The following FAM228B variants were observed in gnomAD, a reference collection of about 807,000 sequenced individuals.
FAM228B encodes the protein protein FAM228B.
A neutral mutation model predicts 42.6 loss-of-function variants in FAM228B; 38 were observed. The ratio of observed to expected loss-of-function variants is 0.89; its 90% CI spans 0.69 to 1.17. The LOEUF (loss-of-function observed/expected upper bound fraction) is 1.17, where lower values mean the gene tolerates loss of function less well. Among genes scored for constraint, FAM228B ranks in the 50% most tolerant of loss-of-function variants. The probability of loss-of-function intolerance (pLI) is 0.00; values close to 1 mark genes in which losing one functional copy is unlikely to be tolerated. For synonymous variants in FAM228B, 109 were observed against 122.3 expected (o/e 0.89, Z 0.72); for missense variants, 344 against 367.3 (o/e 0.94, Z 0.52).
rs1664799300 is a variant in FAM228B, at chr2:24,077,458, T to A, written c.-290+489T>A. The A allele has an allele frequency of 4.2e-6, 5 of 1,178,568 alleles. No homozygotes were observed. Among genetic ancestry groups the A allele is most frequent in the Non-Finnish European group, 5.7e-6 (5 of 873,692 alleles). 73.0% of individuals were successfully genotyped at this position (1,178,568 alleles called of 1,614,324 possible). On this transcript the variant is annotated intron_variant, in intron 1 of 10. Coordinates refer to the FAM228B transcript ENST00000613899. The surrounding 1 kb of genome is among the most constrained non-coding windows in gnomAD (Gnocchi z 5.5). ...TTCCAGTTCACTCTTTATTTCCTCA[T>A]ATCAGCTTTAAACGGCTCTGGAGGA...
intron 3 of FAM228B, among the ~76,000 whole-genome samples, chr2:24,109,312 C>A (rs116173997): frequency 0.01 from 1,580 of 152,178 alleles, 24 homozygotes; most frequent in African/African-American, 0.036. Context: ...GGATTAAAGA[C>A]TTATGTGTAA....
At chr2:24,128,337 C>A (rs1666365888) in intron 2 of FAM228B, among the ~76,000 whole-genome samples, 1 of 152,174 alleles carries the variant, frequency 6.6e-6, no homozygotes, top group Non-Finnish European at 1.5e-5. Flanking sequence ...GATCCTCCTA[C>A]CTTGGCCTCC....
intron 2 of FAM228B, chr2:24,082,880 C>T: frequency 6.3e-7 from 1 of 1,599,040 alleles, no homozygotes; most frequent in Non-Finnish European, 8.5e-7. Context: ...TGGAGGCCTC[C>T]TCACCCACAA....
intron 2 of FAM228B, among the ~76,000 whole-genome samples, chr2:24,130,782 T>C (rs1169616858): frequency 6.6e-6 from 1 of 152,224 alleles, no homozygotes; most frequent in East Asian, 1.9e-4. Flanking sequence ...TCTTTTGCTG[T>C]ATAGAAGCTC....
chr2:24,082,858 G>A, intron 2 of FAM228B: 1 of 1,580,746 alleles, frequency 6.3e-7, no homozygotes, highest in Non-Finnish European at 8.6e-7. Flanking sequence ...GCCACATTGT[G>A]TGGAGTGAGC....
Position 24,084,417 on chromosome 2 carries a change from AGGG to A in FAM228B, c.-210+3464_-210+3466del. On this transcript the variant is annotated intron_variant, in intron 2 of 10. Transcript: ENST00000613899. The surrounding 1 kb of genome is among the most constrained non-coding windows in gnomAD (Gnocchi z 8.4). ...AGGGCAGGGCAGGACAGGACAGGGC[AGGG>A]GCCGCTGTATCCTCGCGGAGCAGCC... The A allele has an allele frequency of 7.0e-7, 1 of 1,421,166 alleles. No individual in the cohort carries two copies. The highest frequency in any genetic ancestry group is 9.3e-7 in the Non-Finnish European group (1 of 1,074,670). The allele number at this position is 1,421,166 out of a possible 1,614,324, so 88.0% of individuals were successfully genotyped here. A position where few individuals can be genotyped will look rare whatever the true frequency, so the allele number is the denominator to read the frequency against.
At chr2:24,156,616 A>G (rs570370096) in intron 7 of FAM228B, among the ~76,000 whole-genome samples, 1 of 152,320 alleles carries the variant, frequency 6.6e-6, no homozygotes, top group African/African-American at 2.4e-5. Context: ...CCTGGGCAAC[A>G]AGAGCAAAAC....
chr2:24,087,777 ATTTTT>A (rs34256592), intron 2 of FAM228B, among the ~76,000 whole-genome samples: 2 of 128,224 alleles, frequency 1.6e-5, no homozygotes, highest in Non-Finnish European at 3.3e-5. Context: ...CACCAGGGTA[ATTTTT>A]TTTTTTTTTT....
intron 7 of FAM228B, among the ~76,000 whole-genome samples, chr2:24,154,305 C>T (rs1437161427): frequency 6.6e-6 from 1 of 152,226 alleles, no homozygotes. Flanking sequence ...AGCATCTTTT[C>T]ATATGTTTCT....
At chr2:24,160,381 T>A (rs975768603) in intron 7 of FAM228B, among the ~76,000 whole-genome samples, 10 of 152,316 alleles carry the variant, frequency 6.6e-5, no homozygotes, top group African/African-American at 2.4e-4. Flanking sequence ...TATACAGCAA[T>A]TTTTAAAATT....
upstream of FAM228B, chr2:24,119,600 C>CA: frequency 6.2e-7 from 1 of 1,613,804 alleles, no homozygotes; most frequent in Non-Finnish European, 8.5e-7. Context: ...GGCTTCCACA[C>CA]AGATGCTAGG....
chr2:24,112,710 G>A (rs1414003368), intron 3 of FAM228B, among the ~76,000 whole-genome samples: 1 of 152,134 alleles, frequency 6.6e-6, no homozygotes, highest in African/African-American at 2.4e-5. Context: ...TAAAAGTACT[G>A]TCTACCCCAC....
intron 5 of FAM228B, among the ~76,000 whole-genome samples, chr2:24,140,967 A>G (rs1200989915): frequency 7.0e-6 from 1 of 143,248 alleles, no homozygotes; most frequent in Non-Finnish European, 1.5e-5. Flanking sequence ...GACTCTGTCT[A>G]AAAAAAAAAA....
intron 2 of FAM228B, among the ~76,000 whole-genome samples, chr2:24,131,188 T>C (rs1431692407): frequency 6.6e-6 from 1 of 152,236 alleles, no homozygotes; most frequent in African/African-American, 2.4e-5. Flanking sequence ...TTGGTCTATA[T>C]GTCTGTTTTG....
rs371419907 is a variant in FAM228B at position 24,167,082 on chromosome 2, A to G, written c.933-545A>G. 2.0e-5 allele frequency among the ~76,000 whole-genome samples: 3 copies of G among 152,026 alleles called. No individual in the cohort carries two copies. In the East Asian group the frequency reaches 5.8e-4, roughly 29 times the overall value. Reference sequence around the variant, plus strand: ...GTGCGGAGGTCTGGAGTAGGGGGGAAATCATATCTAATCAGCATTGTACAA... The same window carrying G: ...GTGCGGAGGTCTGGAGTAGGGGGGAGATCATATCTAATCAGCATTGTACAA... On this transcript the variant is annotated intron_variant, in intron 9 of 10. Coordinates refer to ENST00000615575, the MANE Select transcript of FAM228B (RefSeq NM_001145710.2).
intron 2 of FAM228B, among the ~76,000 whole-genome samples, chr2:24,088,733 G>A (rs1665318197): frequency 6.6e-6 from 1 of 152,220 alleles, no homozygotes; most frequent in Admixed American, 6.5e-5. Flanking sequence ...TCAAATCCAA[G>A]GAGGGAGTCA....
chr2:24,155,969 A>T (rs1176201748), intron 7 of FAM228B, among the ~76,000 whole-genome samples: 1 of 152,200 alleles, frequency 6.6e-6, no homozygotes, highest in Non-Finnish European at 1.5e-5. Flanking sequence ...CAGCCTGAAC[A>T]CTTGGGGTCC....
chr2:24,107,999 A>G (rs2150998486), intron 3 of FAM228B, among the ~76,000 whole-genome samples: 1 of 152,346 alleles, frequency 6.6e-6, no homozygotes, highest in African/African-American at 2.4e-5. Context: ...GTTCTTTGAA[A>G]GAAATTAATC....
intron 7 of FAM228B, among the ~76,000 whole-genome samples, chr2:24,152,668 G>T (rs1195938088): frequency 6.6e-6 from 1 of 152,216 alleles, no homozygotes; most frequent in East Asian, 1.9e-4. Flanking sequence ...GGAGCTGGGG[G>T]TGTCATGATG....
Sources: allele counts gnomAD v4.1 joint callset (sites outside exome capture counted in the v4.1 genomes callset), GRCh38; gene constraint gnomAD v4.1.1; non-coding constraint Gnocchi (gnomAD v3.1); transcripts MANE v1.5; gene names NCBI Gene and HGNC (gene_info 2026-07-23, HGNC 2026-07-21).